The following NUP50 variants were observed in gnomAD, a reference collection of about 807,000 sequenced individuals.
The protein encoded by NUP50 is nucleoporin 50.
NUP50 carries 14 observed loss-of-function variants against 36.8 expected under a neutral mutation model. The ratio of observed to expected loss-of-function variants is 0.38; its 90% confidence interval spans 0.25 to 0.59. The LOEUF (loss-of-function observed/expected upper bound fraction) is 0.59. Ranked by LOEUF, NUP50 falls within the 20% of genes least tolerant of loss-of-function variation. NUP50 has a pLI of 0.63. For missense variants in NUP50, 455 were observed against 564.6 expected (o/e 0.81, Z 1.97); for synonymous variants, 195 against 210.8 (o/e 0.93, Z 0.65).
At chr22:45,182,415 C>CT (rs2074387360) in intron 6 of NUP50, among the ~76,000 whole-genome samples, 1 of 152,128 alleles carries the variant, frequency 6.6e-6, no homozygotes, top group Non-Finnish European at 1.5e-5. Context: ...GCACTCCAGC[C>CT]TGGGCCACAG....
At chr22:45,176,503 C>G (rs2074279024) in intron 4 of NUP50, among the ~76,000 whole-genome samples, 1 of 152,170 alleles carries the variant, frequency 6.6e-6, no homozygotes, top group African/African-American at 2.4e-5. Context: ...GCCAGGGTGC[C>G]TCCCACGCTA....
chr22:45,165,897 A>G (rs1317118606), intron 1 of NUP50: 4 of 152,206 alleles, frequency 2.6e-5, no homozygotes, highest in African/African-American at 9.7e-5. Context: ...ATTAAATATA[A>G]CTTGCCCAAG....
At chr22:45,183,782 T>G (rs762177059) in intron 7 of NUP50, 1 of 381,712 alleles carries the variant, frequency 2.6e-6, no homozygotes, top group Non-Finnish European at 4.8e-6. Context: ...TTAGACCATT[T>G]AATGAACACC....
chr22:45,178,150 A>G, intron 4 of NUP50, 88 bp from the exon 5 acceptor site: 9 of 1,191,718 alleles, frequency 7.6e-6, no homozygotes, highest in Non-Finnish European at 1.1e-5. Flanking sequence ...CAGTAAAAGC[A>G]GAAAGTATGA....
intron 1 of NUP50, 40 bp from the exon 2 acceptor site, chr22:45,168,128 T>C: frequency 7.1e-7 from 1 of 1,417,882 alleles, no homozygotes; most frequent in African/African-American, 1.4e-5. Flanking sequence ...AAGAATTTAT[T>C]CTTCTAGAAA....
intron 6 of NUP50, among the ~76,000 whole-genome samples, chr22:45,182,800 A>G (rs1400548149): frequency 1.3e-5 from 2 of 151,500 alleles, no homozygotes; most frequent in South Asian, 4.2e-4. Context: ...AATTTTTTGT[A>G]TTTTTAGTAG....
chr22:45,181,722 A>T (rs1413966279), intron 6 of NUP50, among the ~76,000 whole-genome samples: 2 of 152,052 alleles, frequency 1.3e-5, no homozygotes, highest in Admixed American at 6.5e-5. Flanking sequence ...GAAATCGCAG[A>T]GTCAGTCAGT....
chr22:45,176,846 A>G (rs1370591488), intron 4 of NUP50, among the ~76,000 whole-genome samples: 1 of 151,876 alleles, frequency 6.6e-6, no homozygotes, highest in African/African-American at 2.4e-5. Flanking sequence ...GGTTTAAGCG[A>G]TTCTCCTGCC....
chr22:45,183,202 G>A (rs1043455911), intron 6 of NUP50, among the ~76,000 whole-genome samples, 200 bp from the exon 7 acceptor site: 1 of 152,062 alleles, frequency 6.6e-6, no homozygotes, highest in African/African-American at 2.4e-5. Flanking sequence ...AAATGGGGAG[G>A]AGTTTTAAAA....
chr22:45,169,990 A>G (rs748457650), intron 2 of NUP50, among the ~76,000 whole-genome samples: 6 of 152,232 alleles, frequency 3.9e-5, no homozygotes, highest in Non-Finnish European at 7.3e-5. Flanking sequence ...AGTAGATAGC[A>G]GTAGAAGAAA....
At chr22:45,172,500 A>G (rs1383515316) in intron 3 of NUP50, among the ~76,000 whole-genome samples, 1 of 152,186 alleles carries the variant, frequency 6.6e-6, no homozygotes, top group Non-Finnish European at 1.5e-5. Flanking sequence ...TGGTCAGGTT[A>G]GAGGTGCCGT....
At chr22:45,164,724 C>G (rs1246681258) in intron 1 of NUP50, 2 of 152,132 alleles carry the variant, frequency 1.3e-5, no homozygotes, top group Non-Finnish European at 2.9e-5. Flanking sequence ...CGGCGTCCGA[C>G]TCGAGTGAGA....
chr22:45,168,091 C>A, intron 1 of NUP50, 77 bp from the exon 2 acceptor site: 1 of 1,084,168 alleles, frequency 9.2e-7, no homozygotes, highest in Non-Finnish European at 1.4e-6. Flanking sequence ...TCACTTCATG[C>A]TAGAGTGAAT....
At chr22:45,172,003 G>C (rs1320471750) in intron 3 of NUP50, 4 of 281,766 alleles carry the variant, frequency 1.4e-5, no homozygotes, top group African/African-American at 6.5e-5. Flanking sequence ...AGGATCTTCT[G>C]AGAGTCTTGT....
chr22:45,184,721 T>G lies in NUP50; in HGVS notation c.*66T>G. 1.7e-6 allele frequency: 2 copies of G among 1,188,330 alleles called. No homozygotes were observed. Among genetic ancestry groups the G allele is most frequent in the Non-Finnish European group, 1.2e-6 (1 of 801,392 alleles). 73.6% of individuals were successfully genotyped at this position (1,188,330 alleles called of 1,614,324 possible). A position where few individuals can be genotyped will look rare whatever the true frequency, so the allele number is the denominator to read the frequency against. Reference sequence around the variant, plus strand: ...TGCTTCCACCGCCCCTTAAAGTTAGTCAGTTTTTCTTCTCTTCTTTGACAT... The same window carrying G: ...TGCTTCCACCGCCCCTTAAAGTTAGGCAGTTTTTCTTCTCTTCTTTGACAT... On this transcript the variant is annotated 3_prime_UTR_variant, in exon 8 of 8. Coordinates refer to ENST00000347635, the MANE Select transcript of NUP50 (RefSeq NM_007172.4).
At chr22:45,166,061 G>A (rs754745185) in intron 1 of NUP50, 2 of 152,134 alleles carry the variant, frequency 1.3e-5, no homozygotes, top group Non-Finnish European at 2.9e-5. Context: ...TGGGGCATTT[G>A]GAGTATATCT....
intron 3 of NUP50, among the ~76,000 whole-genome samples, chr22:45,173,598 G>A (rs1283660616): frequency 2.6e-5 from 4 of 152,130 alleles, no homozygotes; most frequent in Non-Finnish European, 5.9e-5. Context: ...GCACAGCTCC[G>A]GCAGCTTTCG....
At chr22:45,171,251 C>T in intron 2 of NUP50, 1 of 993,022 alleles carries the variant, frequency 1.0e-6, no homozygotes, top group South Asian at 2.1e-5. Flanking sequence ...GGCTGGAGTG[C>T]AGTGGTGCTA....
chr22:45,181,563 G>T (rs541975152), intron 6 of NUP50, among the ~76,000 whole-genome samples, 196 bp downstream of exon 6: 1 of 142,022 alleles, frequency 7.0e-6, no homozygotes, highest in African/African-American at 2.6e-5. Context: ...TGGTGGGCAG[G>T]TCTCACTCTT....
Sources: allele counts gnomAD v4.1 joint callset (sites outside exome capture counted in the v4.1 genomes callset), GRCh38; gene constraint gnomAD v4.1.1; transcripts MANE v1.5; gene names NCBI Gene and HGNC (gene_info 2026-07-23, HGNC 2026-07-21).